Variants in PML observed in about 807,000 individuals in gnomAD.
PML encodes protein PML.
A neutral mutation model predicts 65.2 loss-of-function variants in PML; 28 were observed. That is an observed-to-expected ratio of 0.43 (90% CI 0.32 to 0.59). The LOEUF (loss-of-function observed/expected upper bound fraction) is 0.59. Among genes scored for constraint, PML ranks in the 20% least tolerant of loss-of-function variants. The pLI is 0.08. For synonymous variants in PML, 500 were observed against 508.8 expected (o/e 0.98, Z 0.23); for missense variants, 1,021 against 1,203.4 (o/e 0.85, Z 2.24).
chr15:74,034,936 T>G, intron 7 of PML: 1 of 1,456,724 alleles, frequency 6.9e-7, no homozygotes, highest in Non-Finnish European at 9.0e-7. Context: ...AGGGCAGCTA[T>G]ATAGGGGCCA....
chr15:74,037,804 C>T lies in PML; in HGVS notation c.1710+3274C>T. 2.6e-6 allele frequency: 2 copies of T among 775,230 alleles called. No individual in the cohort carries two copies. Among genetic ancestry groups the T allele is most frequent in the Non-Finnish European group, 1.6e-6 (1 of 638,374 alleles). 48.0% of individuals were successfully genotyped at this position (775,230 alleles called of 1,614,324 possible). On this transcript the variant is annotated intron_variant, in intron 7 of 8. Transcript: ENST00000268058. The surrounding 1 kb of genome is among the most constrained non-coding windows in gnomAD (Gnocchi z 4.2). Reference sequence around the variant, plus strand: ...CTGCAGGTTTGCTGCTGGGCCCTTTCCTCTTTTCAGTCTGTGTATTCTCCC... The same window carrying T: ...CTGCAGGTTTGCTGCTGGGCCCTTTTCTCTTTTCAGTCTGTGTATTCTCCC...
In PML at chr15:74,043,732, T is replaced by C. The variant is rs2071738809; in HGVS notation, c.1862-489T>C. 1 of 529,306 alleles carries C rather than the reference T, an allele frequency of 1.9e-6. No individual in the cohort carries two copies. Among genetic ancestry groups the C allele is most frequent in the Admixed American group, 1.9e-5 (1 of 51,770 alleles). 32.8% of individuals were successfully genotyped at this position (529,306 alleles called of 1,614,324 possible). On this transcript the variant is annotated intron_variant, in intron 8 of 8. Transcript: ENST00000268058. This position sits in a 1 kb window ranked among gnomAD's most constrained non-coding sequence, Gnocchi z 4.3. ...CAGACAGAAACAGCAAGTGTTTTCA[T>C]GGTACAGAAAAGTCATTTGCAGACC... is the stretch of plus-strand genomic sequence containing the variant.
intron 2 of PML, 78 bp downstream of exon 2, chr15:73,998,554 C>A (rs1169737627): frequency 3.1e-6 from 4 of 1,272,116 alleles, no homozygotes; most frequent in East Asian, 2.4e-5. Context: ...TCCAAAGAGT[C>A]ACACAGCTGA....
chr15:74,035,531 G>C lies in PML; in HGVS notation c.1710+1001G>C. 1 of 1,610,570 alleles carries C rather than the reference G, an allele frequency of 6.2e-7. No individual in the cohort carries two copies. The highest frequency in any genetic ancestry group is 1.7e-5 in the Admixed American group (1 of 60,000). Reference sequence around the variant, plus strand: ...CTATTCGGACTTGGTCTCCCCATGTGGTCCAAGCCAGCACTCCTGCCATCA... The same window carrying C: ...CTATTCGGACTTGGTCTCCCCATGTCGTCCAAGCCAGCACTCCTGCCATCA... On this transcript the variant is annotated intron_variant, in intron 7 of 8. Coordinates refer to ENST00000268058, the MANE Select transcript of PML (RefSeq NM_033238.3). The surrounding 1 kb of genome is among the most constrained non-coding windows in gnomAD (Gnocchi z 4.1).
Position 74,035,719 on chromosome 15 carries a change from C to G in PML, c.1710+1189C>G. The G allele has an allele frequency of 6.2e-7, 1 of 1,614,186 alleles. No homozygotes were observed. The highest frequency in any genetic ancestry group is 8.5e-7 in the Non-Finnish European group (1 of 1,180,026). The stretch of plus-strand genomic sequence containing the variant: ...TGGCTCAACAACTTTTTTGCCCTCC[C>G]CTTCTCCTCCATGGCTTCCCAGCTT... On this transcript the variant is annotated intron_variant, in intron 7 of 8. Transcript: ENST00000268058. This position sits in a 1 kb window ranked among gnomAD's most constrained non-coding sequence, Gnocchi z 4.1.
Position 74,043,400 on chromosome 15 carries a change from T to A in PML, c.1861+261T>A, listed in dbSNP as rs1333947842. On this transcript the variant is annotated intron_variant, in intron 8 of 8. Coordinates refer to ENST00000268058, the MANE Select transcript of PML (RefSeq NM_033238.3). This position sits in a 1 kb window ranked among gnomAD's most constrained non-coding sequence, Gnocchi z 4.3. ...CACAAGTGCACCTCTGACCAGTTCT[T>A]CTCTCAGACAGAGAGCCTGGGGAAC... The A allele has an allele frequency of 2.8e-6, 4 of 1,424,038 alleles. No homozygotes were observed. The highest frequency in any genetic ancestry group is 1.4e-5 in the African/African-American group (1 of 69,498). 88.2% of individuals were successfully genotyped at this position (1,424,038 alleles called of 1,614,324 possible). A position where few individuals can be genotyped will look rare whatever the true frequency, so the allele number is the denominator to read the frequency against.
In PML at chr15:74,035,219, C is replaced by G; in HGVS notation, c.1710+689C>G. On this transcript the variant is annotated intron_variant, in intron 7 of 8. Coordinates refer to ENST00000268058, the MANE Select transcript of PML (RefSeq NM_033238.3). The surrounding 1 kb of genome is among the most constrained non-coding windows in gnomAD (Gnocchi z 4.1). ...CCGAGCCACAGTCCTCGCCAGCCCA[C>G]TCCTCGCCAGCCCACTCCTCGCCAG... The G allele has an allele frequency of 6.5e-7, 1 of 1,539,918 alleles. No individual in the cohort carries two copies. Among genetic ancestry groups the G allele is most frequent in the Non-Finnish European group, 9.0e-7 (1 of 1,113,752 alleles).
At chr15:73,995,466 G>A (rs1472550230) in intron 1 of PML, among the ~76,000 whole-genome samples, 3 of 152,134 alleles carry the variant, frequency 2.0e-5, no homozygotes, top group Admixed American at 1.3e-4. Context: ...CCTCCCCAAC[G>A]AACCCTTCTC....
At chr15:74,025,671 C>T (rs1168552604) in intron 4 of PML, 2 of 152,558 alleles carry the variant, frequency 1.3e-5, no homozygotes, top group Non-Finnish European at 2.9e-5. Context: ...CTGCTCCCAA[C>T]TCTGGACTGC....
At chr15:74,012,206 C>T (rs1367610297) in intron 2 of PML, among the ~76,000 whole-genome samples, 3 of 152,146 alleles carry the variant, frequency 2.0e-5, no homozygotes, top group Non-Finnish European at 2.9e-5. Flanking sequence ...AACAGAGTCT[C>T]GCTCTGTTGC....
chr15:73,997,907 G>A (rs903257680), intron 1 of PML, 97 bp from the exon 2 acceptor site: 96 of 1,008,428 alleles, frequency 9.5e-5, no homozygotes, highest in Admixed American at 2.5e-4. Flanking sequence ...AATGGAATAT[G>A]AGGTCCTACT....
At chr15:74,003,300 C>T (rs945839307) in intron 2 of PML, among the ~76,000 whole-genome samples, 10 of 151,966 alleles carry the variant, frequency 6.6e-5, no homozygotes, top group African/African-American at 9.7e-5. Context: ...GGCGTGGTGG[C>T]GGGCGCCTGT....
At position 74,033,196 on chromosome 15, in the gene PML, G is replaced by A; in HGVS notation, c.1439G>A (p.Ser480Asn). 1 of 1,614,224 alleles carries A rather than the reference G, an allele frequency of 6.2e-7. No homozygotes were observed. The highest frequency in any genetic ancestry group is 8.5e-7 in the Non-Finnish European group (1 of 1,180,042). Residue 480 changes from serine (S) to asparagine (N), a missense_variant, in exon 6 of 9, where the codon AGC becomes AAC. Physicochemically the swap from Ser to Asn is conservative, Grantham distance 46. Transcript: ENST00000268058. ...NTTTAQKRKC[S>N]QTQCPRKVIK... ...ACGACAGCCCAGAAGAGGAAGTGCA[G>A]CCAGACCCAGTGCCCCAGGAAGGTC...
chr15:74,027,036 G>A (rs1417163045), intron 4 of PML: 2 of 152,136 alleles, frequency 1.3e-5, no homozygotes, highest in African/African-American at 2.4e-5. Context: ...TTTGCATTCT[G>A]TGTTTCACAA....
chr15:74,042,888 G>A lies in PML; in HGVS notation c.1711-101G>A. On this transcript the variant is annotated intron_variant, in intron 7 of 8. Coordinates refer to ENST00000268058, the MANE Select transcript of PML (RefSeq NM_033238.3). The surrounding 1 kb of genome is among the most constrained non-coding windows in gnomAD (Gnocchi z 5.3). ...TTCCCAGTGGTACACCCTCCTTCAT[G>A]TGCACGCAGATGCTCCCAGCTATAC... 6.2e-7 allele frequency: 1 copy of A among 1,602,610 alleles called. No homozygotes were observed. The highest frequency in any genetic ancestry group is 8.5e-7 in the Non-Finnish European group (1 of 1,178,064).
In PML at chr15:74,022,847, T is replaced by A; in HGVS notation, c.622T>A (p.Ser208Thr). 1 of 1,613,804 alleles carries A rather than the reference T, an allele frequency of 6.2e-7. No homozygotes were observed. The highest frequency in any genetic ancestry group is 1.7e-5 in the Admixed American group (1 of 60,006). The change falls in exon 3 of 9, where the codon TCC (serine) becomes ACC (threonine). Residue 208 changes from serine (S) to threonine (T), a missense_variant. Physicochemically the swap from Ser to Thr is moderately conservative, Grantham distance 58. Transcript: ENST00000268058. ...TLTSIYCRGC[S>T]KPLCCSCALL... is the part of the protein sequence containing the mutation. Reference sequence around the variant, plus strand: ...CCACAGCATCTACTGCCGAGGATGTTCCAAGCCGCTGTGCTGCTCGTGCGC... The same window carrying A: ...CCACAGCATCTACTGCCGAGGATGTACCAAGCCGCTGTGCTGCTCGTGCGC...
chr15:74,045,813 G>T lies in PML; in HGVS notation c.*805G>T, dbSNP rs2071765068. ...CTACTCAGCATGTAGTCCAGGACCT[G>T]CGGCATCAGCATCCCCTGGGAGCTT... On this transcript the variant is annotated 3_prime_UTR_variant, in exon 9 of 9. Transcript: ENST00000268058. 4.3e-6 allele frequency: 1 copy of T among 232,470 alleles called. No individual in the cohort carries two copies. Among genetic ancestry groups the T allele is most frequent in the Non-Finnish European group, 8.5e-6 (1 of 117,580 alleles). 14.4% of individuals were successfully genotyped at this position (232,470 alleles called of 1,614,324 possible). A position where few individuals can be genotyped will look rare whatever the true frequency, so the allele number is the denominator to read the frequency against.
In PML at chr15:74,044,327, G is replaced by T; in HGVS notation, c.1968G>T (p.Glu656Asp). The T allele has an allele frequency of 6.2e-7, 1 of 1,614,186 alleles. No individual in the cohort carries two copies. Among genetic ancestry groups the T allele is most frequent in the South Asian group, 1.1e-5 (1 of 91,082 alleles). The change falls in exon 9 of 9, where the codon GAG (glutamate) becomes GAT (aspartate). Residue 656 changes from glutamate (E) to aspartate (D), a missense_variant. Physicochemically the swap from Glu to Asp is conservative, Grantham distance 45. Transcript: ENST00000268058. ...FSIYSKAVSL[E>D]VGLQHFLSFL... ...TCTACTCCAAGGCCGTGTCCCTGGA[G>T]GTGGGGCTGCAGCACTTCCTCAGCT...
chr15:74,003,408 G>T (rs1258944833), intron 2 of PML, among the ~76,000 whole-genome samples: 2 of 152,050 alleles, frequency 1.3e-5, no homozygotes, highest in Admixed American at 6.6e-5. Flanking sequence ...CTCCAGCCTG[G>T]GCAACAAGAG....
Sources: allele counts gnomAD v4.1 joint callset (sites outside exome capture counted in the v4.1 genomes callset), GRCh38; gene constraint gnomAD v4.1.1; non-coding constraint Gnocchi (gnomAD v3.1); transcripts MANE v1.5; gene names NCBI Gene and HGNC (gene_info 2026-07-23, HGNC 2026-07-21).